The following DOCK3 variants were observed in gnomAD, a reference collection of about 807,000 sequenced individuals.
The protein encoded by DOCK3 is dedicator of cytokinesis 3, also known as dedicator of cytokinesis protein 3.
A neutral mutation model predicts 265.6 loss-of-function variants in DOCK3; 60 were observed. The observed-to-expected ratio is 0.23, with a 90% CI of 0.18 to 0.28. The LOEUF (loss-of-function observed/expected upper bound fraction) is 0.28. DOCK3 is among the 10% of genes least tolerant of loss of function. The pLI is 1.00. For synonymous variants in DOCK3, 881 were observed against 938.0 expected (o/e 0.94, Z 1.11); for missense variants, 1,981 against 2,594.3 (o/e 0.76, Z 5.14).
chr3:51,048,135 C>A (rs2080846337), intron 5 of DOCK3, among the ~76,000 whole-genome samples: 3 of 151,892 alleles, frequency 2.0e-5, no homozygotes, highest in South Asian at 4.1e-4. Context: ...ATATGATCAT[C>A]TCAATAGATG....
intron 13 of DOCK3, among the ~76,000 whole-genome samples, chr3:51,210,560 C>T (rs541490764): frequency 6.6e-6 from 1 of 152,210 alleles, no homozygotes; most frequent in African/African-American, 2.4e-5. Context: ...GAACCCAGGT[C>T]TCCAGACTCC....
At chr3:51,291,616 A>G (rs1389173854) in intron 27 of DOCK3, among the ~76,000 whole-genome samples, 1 of 152,208 alleles carries the variant, frequency 6.6e-6, no homozygotes, top group Non-Finnish European at 1.5e-5. Flanking sequence ...AGAGTCTTCC[A>G]TCAAAGAAAA....
chr3:51,200,361 G>A (rs2088638998), intron 12 of DOCK3, among the ~76,000 whole-genome samples: 1 of 149,938 alleles, frequency 6.7e-6, no homozygotes. Flanking sequence ...TGAAAGCCAA[G>A]GCTCGAGAAC....
intron 21 of DOCK3, among the ~76,000 whole-genome samples, chr3:51,243,302 A>G (rs573485533): frequency 7.2e-5 from 11 of 152,194 alleles, no homozygotes; most frequent in African/African-American, 2.6e-4. Context: ...TGCCAACTCA[A>G]GTATCTGTGG....
chr3:50,683,299 C>T (rs1325910861), intron 1 of DOCK3, among the ~76,000 whole-genome samples: 1 of 152,198 alleles, frequency 6.6e-6, no homozygotes, highest in East Asian at 1.9e-4. Flanking sequence ...CTGTATTTAG[C>T]TCATGAGTAC....
chr3:50,970,814 A>T (rs533846716), intron 5 of DOCK3, among the ~76,000 whole-genome samples: 101 of 132,180 alleles, frequency 7.6e-4, no homozygotes, highest in African/African-American at 1.9e-3. Context: ...GCAGCCATGA[A>T]CTCCTGGGGT....
chr3:51,344,577 ACCACTGGACTCCAG>A (rs1663907663), intron 38 of DOCK3, among the ~76,000 whole-genome samples: 2 of 152,184 alleles, frequency 1.3e-5, no homozygotes, highest in South Asian at 4.1e-4. Context: ...CTGAGATTGC[ACCACTGGACTCCAG>A]CCTGAGTGAC....
In DOCK3 at chr3:51,045,602, A is replaced by G. The variant is rs115320414; in HGVS notation, c.316-18846A>G. ...AACCGTAATATCTGTGAAGCTCAAT[A>G]AAGTGAAATGCAATAAAACGAGGTA... On this transcript the variant is annotated intron_variant, in intron 5 of 52. Coordinates refer to ENST00000266037, the MANE Select transcript of DOCK3 (RefSeq NM_004947.5). Among the ~76,000 whole-genome samples the G allele has an allele frequency of 6.7e-3, 1,026 of 152,314 alleles. 5 individuals are homozygous for G. The highest frequency in any genetic ancestry group is 0.024 in the Middle Eastern group (7 of 294).
At chr3:51,333,822 T>C (rs1468202474) in intron 35 of DOCK3, among the ~76,000 whole-genome samples, 5 of 152,100 alleles carry the variant, frequency 3.3e-5, no homozygotes, top group Non-Finnish European at 5.9e-5. Context: ...CTTCATATTA[T>C]GTCCAGTCTG....
At chr3:50,768,434 G>A (rs1039426707) in intron 1 of DOCK3, among the ~76,000 whole-genome samples, 18 of 152,064 alleles carry the variant, frequency 1.2e-4, no homozygotes, top group Admixed American at 1.2e-3. Flanking sequence ...TAAAATACTG[G>A]CAAACCGAAT....
chr3:51,236,499 G>A (rs1191490890), intron 20 of DOCK3, 71 bp downstream of exon 20: 2 of 1,358,120 alleles, frequency 1.5e-6, no homozygotes, highest in Non-Finnish European at 1.0e-6. Flanking sequence ...TTTAAGGGAA[G>A]CAATTTATTA....
At chr3:51,325,020 T>A (rs898235689) in intron 32 of DOCK3, among the ~76,000 whole-genome samples, 34 of 152,148 alleles carry the variant, frequency 2.2e-4, no homozygotes, top group African/African-American at 8.2e-4. Context: ...AAAGATTTCA[T>A]GACTAAAACA....
intron 2 of DOCK3, among the ~76,000 whole-genome samples, chr3:50,816,905 A>G (rs975714398): frequency 6.6e-6 from 1 of 152,104 alleles, no homozygotes; most frequent in Non-Finnish European, 1.5e-5. Flanking sequence ...AGGGGTCCCA[A>G]TCCAGACCCC....
At chr3:51,107,699 G>C (rs1260544418) in intron 9 of DOCK3, among the ~76,000 whole-genome samples, 1 of 152,168 alleles carries the variant, frequency 6.6e-6, no homozygotes, top group Non-Finnish European at 1.5e-5. Flanking sequence ...TCAAGAGATT[G>C]AATCTGCAAC....
At chr3:51,234,710 C>T (rs1021876009) in intron 19 of DOCK3, among the ~76,000 whole-genome samples, 1 of 152,140 alleles carries the variant, frequency 6.6e-6, no homozygotes, top group Non-Finnish European at 1.5e-5. Flanking sequence ...TCCTTCCTTA[C>T]CCCTATGTTA....
intron 23 of DOCK3, among the ~76,000 whole-genome samples, chr3:51,265,658 T>G (rs1219043275): frequency 6.6e-6 from 1 of 152,216 alleles, no homozygotes; most frequent in Non-Finnish European, 1.5e-5. Flanking sequence ...CATCACTTCA[T>G]GCTAAAAACT....
intron 21 of DOCK3, among the ~76,000 whole-genome samples, chr3:51,242,658 G>A (rs1296918005): frequency 6.6e-5 from 10 of 152,044 alleles, no homozygotes; most frequent in Non-Finnish European, 1.2e-4. Context: ...ACTCAGGATA[G>A]GGGAGGATCT....
intron 9 of DOCK3, among the ~76,000 whole-genome samples, chr3:51,092,939 A>G (rs2082695931): frequency 6.6e-6 from 1 of 152,106 alleles, no homozygotes; most frequent in Non-Finnish European, 1.5e-5. Flanking sequence ...ATAGGGAATC[A>G]TTTCCCCATT....
intron 1 of DOCK3, among the ~76,000 whole-genome samples, chr3:50,746,872 C>G (rs916914331): frequency 1.3e-5 from 2 of 152,102 alleles, no homozygotes; most frequent in Non-Finnish European, 2.9e-5. Context: ...CCAAACACCT[C>G]CTACCAGGCC....
Sources: allele counts gnomAD v4.1 joint callset (sites outside exome capture counted in the v4.1 genomes callset), GRCh38; gene constraint gnomAD v4.1.1; transcripts MANE v1.5; gene names NCBI Gene and HGNC (gene_info 2026-07-23, HGNC 2026-07-21).